FHIP1A: variants seen among roughly 807,000 people sequenced by gnomAD.
FHIP1A encodes FHF complex subunit HOOK interacting protein 1A.
A neutral mutation model predicts 88.6 loss-of-function variants in FHIP1A; 61 were observed. That is an observed-to-expected ratio of 0.69 (90% confidence interval 0.56 to 0.85). The LOEUF is 0.85. FHIP1A is among the 40% of genes least tolerant of loss of function. FHIP1A has a pLI of 0.00. For synonymous variants in FHIP1A, 478 were observed against 496.0 expected (o/e 0.96, Z 0.48); for missense variants, 1,154 against 1,273.5 (o/e 0.91, Z 1.43).
At chr4:151,628,567 A>T (rs1299886574) in intron 7 of FHIP1A, among the ~76,000 whole-genome samples, 2 of 152,232 alleles carry the variant, frequency 1.3e-5, no homozygotes, top group African/African-American at 4.8e-5. Context: ...ATAATGTGAC[A>T]ACTAACACTT....
At chr4:151,474,823 T>C (rs1729643360) in intron 2 of FHIP1A, among the ~76,000 whole-genome samples, 1 of 152,218 alleles carries the variant, frequency 6.6e-6, no homozygotes, top group Non-Finnish European at 1.5e-5. Flanking sequence ...TGGGTATCAG[T>C]AGGAAGGCTA....
chr4:151,660,115 T>G (rs769812796), intron 13 of FHIP1A, among the ~76,000 whole-genome samples: 1 of 152,120 alleles, frequency 6.6e-6, no homozygotes, highest in Non-Finnish European at 1.5e-5. Context: ...GGACCATAAC[T>G]CGGGTCTGCT....
chr4:151,512,162 G>T (rs1042104779), intron 3 of FHIP1A, among the ~76,000 whole-genome samples: 10 of 152,122 alleles, frequency 6.6e-5, no homozygotes, highest in African/African-American at 2.4e-4. Context: ...ACCACTGCTG[G>T]TACCCAGGCA....
chr4:151,654,865 G>C (rs189351141), intron 11 of FHIP1A, among the ~76,000 whole-genome samples: 1 of 152,282 alleles, frequency 6.6e-6, no homozygotes, highest in East Asian at 1.9e-4. Flanking sequence ...CCGTCCCAAG[G>C]ATGGGGAAGT....
Position 151,649,709 on chromosome 4 carries a change from A to C in FHIP1A, c.1668A>C (p.Gln556His). 6.4e-7 allele frequency: 1 copy of C among 1,551,596 alleles called. No homozygotes were observed. ...SSACPVFGLP[Q>H]QLPRKTGPQL... Reference sequence around the variant, plus strand: ...CCTGCCCTGTGTTCGGGCTCCCGCAACAACTCCCCAGGAAGACAGGACCTC... The same window carrying C: ...CCTGCCCTGTGTTCGGGCTCCCGCACCAACTCCCCAGGAAGACAGGACCTC... Residue 556 changes from glutamine (Q) to histidine (H), a missense_variant, in exon 11 of 14, where the codon CAA becomes CAC. By Grantham distance (24) the Gln-to-His change is conservative. Coordinates refer to ENST00000435205, the MANE Select transcript of FHIP1A (RefSeq NM_001109977.3).
chr4:151,487,735 A>G (rs886331625), intron 3 of FHIP1A, among the ~76,000 whole-genome samples: 1 of 152,246 alleles, frequency 6.6e-6, no homozygotes, highest in Non-Finnish European at 1.5e-5. Context: ...GATACATTCT[A>G]TTATTTTTCT....
Position 151,449,623 on chromosome 4 carries a change from A to G in FHIP1A, c.-355-5078A>G, listed in dbSNP as rs552384817. On this transcript the variant is annotated intron_variant, in intron 1 of 13. Coordinates refer to ENST00000435205, the MANE Select transcript of FHIP1A (RefSeq NM_001109977.3). ...ACCCCACTGTGCAATAGAACACAGA[A>G]CTTATTCCTCCTGTCTAACTGTAAC... 8.5e-5 allele frequency among the ~76,000 whole-genome samples: 13 copies of G among 152,242 alleles called. No individual in the cohort carries two copies. The South Asian group carries it at 2.7e-3, about 32-fold the overall frequency.
Position 151,496,716 on chromosome 4 carries a change from C to CTTTTTTTTTT in FHIP1A, c.-123+14076_-123+14085dup, listed in dbSNP as rs58538673. Among the ~76,000 whole-genome samples, 268 of 102,444 alleles carry CTTTTTTTTTT rather than the reference C, an allele frequency of 2.6e-3. 11 individuals are homozygous for CTTTTTTTTTT. Among genetic ancestry groups the CTTTTTTTTTT allele is most frequent in the Middle Eastern group, 0.011 (2 of 178 alleles). 67.2% of individuals were successfully genotyped at this position (102,444 alleles called of 152,430 possible). On this transcript the variant is annotated intron_variant, in intron 3 of 13. Transcript: ENST00000435205. ...CACAGGAGCATACCACCACGTCCAG[C>CTTTTTTTTTT]TTTTTTTTTTTTTTTTTGTATTTTT... is the stretch of plus-strand genomic sequence containing the variant.
intron 3 of FHIP1A, among the ~76,000 whole-genome samples, chr4:151,526,637 A>C: frequency 1.4e-5 from 2 of 139,032 alleles, no homozygotes; most frequent in Non-Finnish European, 3.1e-5. Flanking sequence ...TCCCTCCCGG[A>C]CGGGGCGGCT....
chr4:151,483,554 G>A (rs1323565721), intron 3 of FHIP1A, among the ~76,000 whole-genome samples: 1 of 152,082 alleles, frequency 6.6e-6, no homozygotes, highest in African/African-American at 2.4e-5. Flanking sequence ...GCAACTTATT[G>A]TGTAGACACA....
intron 1 of FHIP1A, among the ~76,000 whole-genome samples, chr4:151,422,117 C>T (rs768266150): frequency 2.0e-5 from 3 of 150,680 alleles, no homozygotes; most frequent in East Asian, 1.9e-4. Flanking sequence ...TTAGAGTCCT[C>T]GAAGAGTACC....
intron 3 of FHIP1A, among the ~76,000 whole-genome samples, chr4:151,531,707 G>C (rs116155754): frequency 2.1e-3 from 324 of 152,304 alleles, no homozygotes; most frequent in Middle Eastern, 0.01. Flanking sequence ...GCTCCATAAA[G>C]AGAGGAACCA....
intron 3 of FHIP1A, among the ~76,000 whole-genome samples, chr4:151,492,376 G>A (rs575196967): frequency 6.6e-6 from 1 of 151,994 alleles, no homozygotes; most frequent in Non-Finnish European, 1.5e-5. Flanking sequence ...TGGATCACCT[G>A]AGGTCAGGAG....
chr4:151,470,161 T>A (rs1199581401), intron 2 of FHIP1A, among the ~76,000 whole-genome samples: 2 of 152,250 alleles, frequency 1.3e-5, no homozygotes, highest in Non-Finnish European at 2.9e-5. Flanking sequence ...CATTTGTCTT[T>A]AAGCCAGAGG....
chr4:151,450,547 G>C (rs1728753495), intron 1 of FHIP1A, among the ~76,000 whole-genome samples: 1 of 151,970 alleles, frequency 6.6e-6, no homozygotes, highest in Non-Finnish European at 1.5e-5. Flanking sequence ...TGTATATCTT[G>C]GTATGCTTAC....
At chr4:151,439,229 A>T (rs1321764242) in intron 1 of FHIP1A, among the ~76,000 whole-genome samples, 2 of 152,152 alleles carry the variant, frequency 1.3e-5, no homozygotes, top group African/African-American at 4.8e-5. Context: ...TTAAAAGAGG[A>T]TGGCTTGGCA....
chr4:151,490,397 A>G (rs1730240309), intron 3 of FHIP1A, among the ~76,000 whole-genome samples: 1 of 152,190 alleles, frequency 6.6e-6, no homozygotes, highest in Non-Finnish European at 1.5e-5. Context: ...GGCTAGACCC[A>G]GAAAGGCAAT....
chr4:151,528,029 A>T (rs951529772), intron 3 of FHIP1A, among the ~76,000 whole-genome samples: 1 of 152,166 alleles, frequency 6.6e-6, no homozygotes, highest in Non-Finnish European at 1.5e-5. Context: ...TATTTCTCAT[A>T]GCTTATTGAA....
At chr4:151,586,153 C>T (rs1457829041) in intron 5 of FHIP1A, among the ~76,000 whole-genome samples, 1 of 152,150 alleles carries the variant, frequency 6.6e-6, no homozygotes. Flanking sequence ...CCATAAAGCT[C>T]ATGGTTCCAA....
Sources: allele counts gnomAD v4.1 joint callset (sites outside exome capture counted in the v4.1 genomes callset), GRCh38; gene constraint gnomAD v4.1.1; transcripts MANE v1.5; gene names NCBI Gene and HGNC (gene_info 2026-07-23, HGNC 2026-07-21).